GSTCD: variants seen among roughly 807,000 people sequenced by gnomAD.
GSTCD encodes the protein glutathione S-transferase C-terminal domain-containing protein.
A neutral mutation model predicts 68.3 loss-of-function variants in GSTCD; 44 were observed. The observed-to-expected ratio is 0.64, with a 90% confidence interval of 0.51 to 0.83. GSTCD has a LOEUF of 0.83. Among genes scored for constraint, GSTCD ranks in the 40% least tolerant of loss-of-function variants. The pLI is 0.00. For synonymous variants in GSTCD, 273 were observed against 255.2 expected, an observed-to-expected ratio of 1.07 and a Z score of -0.67; for missense variants, 739 against 735.9, an observed-to-expected ratio of 1.00 and a Z score of -0.05.
intron 5 of GSTCD, among the ~76,000 whole-genome samples, chr4:105,819,335 C>G (rs2112052): frequency 0.91 from 137,583 of 151,770 alleles, 62,925 homozygotes; most frequent in East Asian, 0.99. Context: ...CCAAGTCTCT[C>G]TAAAGGCCAT....
At chr4:105,808,073 T>G (rs1722594471) in intron 5 of GSTCD, among the ~76,000 whole-genome samples, 1 of 152,112 alleles carries the variant, frequency 6.6e-6, no homozygotes, top group Admixed American at 6.6e-5. Flanking sequence ...ACTAATGACT[T>G]CTGTTTACTA....
chr4:105,845,370 T>C, intron 11 of GSTCD, 71 bp from the exon 12 acceptor site: 2 of 1,570,530 alleles, frequency 1.3e-6, no homozygotes, highest in Non-Finnish European at 1.7e-6. Flanking sequence ...ACTATATAGA[T>C]TCCCTTAAAC....
chr4:105,815,121 A>G (rs1243628177), intron 5 of GSTCD: 2 of 152,208 alleles, frequency 1.3e-5, no homozygotes, highest in African/African-American at 2.4e-5. Flanking sequence ...CCATTGCCAC[A>G]TAAATAACCT....
At chr4:105,837,020 A>T (rs1724148561) in intron 9 of GSTCD, among the ~76,000 whole-genome samples, 1 of 152,202 alleles carries the variant, frequency 6.6e-6, no homozygotes, top group South Asian at 2.1e-4. Context: ...TTAATAAAAG[A>T]CAATGTTTAT....
At chr4:105,772,991 CT>C (rs959628436) in intron 5 of GSTCD, among the ~76,000 whole-genome samples, 3 of 152,008 alleles carry the variant, frequency 2.0e-5, no homozygotes, top group African/African-American at 7.2e-5. Flanking sequence ...TGGTCCTGGA[CT>C]TTTTTTGGTT....
At chr4:105,767,929 TGTG>T in intron 5 of GSTCD, among the ~76,000 whole-genome samples, 1 of 48,002 alleles carries the variant, frequency 2.1e-5, no homozygotes, top group South Asian at 1.1e-3. Flanking sequence ...GAGAAAATGA[TGTG>T]TTTTTTTTCA....
At chr4:105,781,616 T>A (rs555998635) in intron 5 of GSTCD, among the ~76,000 whole-genome samples, 1 of 152,144 alleles carries the variant, frequency 6.6e-6, no homozygotes, top group Non-Finnish European at 1.5e-5. Context: ...TCTTAAGAAG[T>A]ATTCTACGCA....
intron 5 of GSTCD, among the ~76,000 whole-genome samples, chr4:105,820,374 G>A (rs892776873): frequency 6.6e-6 from 1 of 151,746 alleles, no homozygotes; most frequent in Non-Finnish European, 1.5e-5. Context: ...TCTACACTTA[G>A]ATTTCTTTTT....
intron 5 of GSTCD, among the ~76,000 whole-genome samples, chr4:105,784,437 C>A (rs1735390670): frequency 6.6e-6 from 1 of 152,182 alleles, no homozygotes; most frequent in Admixed American, 6.5e-5. Flanking sequence ...ATAACATTAA[C>A]CCATTCATGA....
At position 105,740,306 on chromosome 4, in the gene GSTCD, G is replaced by A. The variant is rs756127103; in HGVS notation, c.1240+10807G>A. ...CCAGTAGGACTCACTACTGGAGTGAGGACTATAGTTTTGCTTGCCTTTTGC... is the reference window on the plus strand; with the variant it reads ...CCAGTAGGACTCACTACTGGAGTGAAGACTATAGTTTTGCTTGCCTTTTGC... On this transcript the variant is annotated intron_variant, in intron 5 of 11. Coordinates refer to ENST00000515279, the MANE Select transcript of GSTCD (RefSeq NM_001370181.1). 4.6e-4 allele frequency among the ~76,000 whole-genome samples: 70 copies of A among 151,866 alleles called. 1 individual carries two copies. The highest frequency in any genetic ancestry group is 3.2e-3 in the Middle Eastern group (1 of 316).
chr4:105,822,533 T>C (rs1723354844), intron 5 of GSTCD, among the ~76,000 whole-genome samples: 3 of 152,122 alleles, frequency 2.0e-5, no homozygotes, highest in Admixed American at 2.0e-4. Flanking sequence ...AATTAGGTAC[T>C]CTTTACAATA....
Position 105,726,729 on chromosome 4 carries a change from T to A in GSTCD, c.1045T>A (p.Ser349Thr). ...CCATTTACCAAAGTTGTTGACAACC[T>A]CAACTGAACAGCATCCAAACTTATG... The part of the protein sequence containing the change: ...FLHLPKLLTT[S>T]TEQHPNLCEV... The change falls in exon 4 of 12, where the codon TCA becomes ACA. Residue 349 changes from serine (S) to threonine (T), a missense_variant. Ser to Thr is a moderately conservative substitution (Grantham distance 58, BLOSUM62 1). Coordinates refer to ENST00000515279, the MANE Select transcript of GSTCD (RefSeq NM_001370181.1). 1 of 1,613,966 alleles carries A rather than the reference T, an allele frequency of 6.2e-7. No homozygotes were observed. The highest frequency in any genetic ancestry group is 8.5e-7 in the Non-Finnish European group (1 of 1,179,910).
intron 5 of GSTCD, among the ~76,000 whole-genome samples, chr4:105,771,160 AT>A (rs1244523280): frequency 6.6e-6 from 1 of 151,998 alleles, no homozygotes. Context: ...TGTTGGCCAC[AT>A]AAATGTCTTC....
intron 5 of GSTCD, among the ~76,000 whole-genome samples, chr4:105,816,395 G>A (rs1722988675): frequency 6.6e-6 from 1 of 152,054 alleles, no homozygotes; most frequent in Non-Finnish European, 1.5e-5. Context: ...CAGTCCCAAG[G>A]TGGGGAAATG....
intron 3 of GSTCD, among the ~76,000 whole-genome samples, chr4:105,722,427 A>G (rs1030550256): frequency 2.0e-5 from 3 of 152,058 alleles, no homozygotes; most frequent in African/African-American, 7.2e-5. Context: ...GTTCTAATTT[A>G]TAAGTAAAAA....
At position 105,743,784 on chromosome 4, in the gene GSTCD, G is replaced by C. The variant is rs571418980; in HGVS notation, c.1240+14285G>C. Among the ~76,000 whole-genome samples the C allele has an allele frequency of 1.3e-4, 20 of 149,508 alleles. No individual in the cohort carries two copies. The South Asian group carries it at 4.2e-3, about 32-fold the overall frequency. On this transcript the variant is annotated intron_variant, in intron 5 of 11. Transcript: ENST00000515279. ...CGCTGTTCTCCTGCCTCAGCCTCTCGAGTAGCTGGGACTACAGGCGCCCGC... is the reference window on the plus strand; with the variant it reads ...CGCTGTTCTCCTGCCTCAGCCTCTCCAGTAGCTGGGACTACAGGCGCCCGC...
chr4:105,714,156 C>T (rs1267431692), intron 1 of GSTCD, among the ~76,000 whole-genome samples: 2 of 152,138 alleles, frequency 1.3e-5, no homozygotes, highest in Non-Finnish European at 1.5e-5. Flanking sequence ...TTTATTCATT[C>T]GGCAAGATTC....
chr4:105,806,521 A>C (rs1722504002), intron 5 of GSTCD, among the ~76,000 whole-genome samples: 1 of 152,124 alleles, frequency 6.6e-6, no homozygotes, highest in Non-Finnish European at 1.5e-5. Flanking sequence ...TCAATTAAAA[A>C]GAATATCCAA....
chr4:105,845,400 A>G, intron 11 of GSTCD, 41 bp from the exon 12 acceptor site: 1 of 1,611,866 alleles, frequency 6.2e-7, no homozygotes, highest in Non-Finnish European at 8.5e-7. Context: ...CTGTCCTGCT[A>G]GTGAAAGGGT....
Sources: gnomAD v4.1 joint callset for allele counts (sites outside exome capture counted in the v4.1 genomes callset) on GRCh38, gnomAD v4.1.1 for gene constraint, MANE v1.5 for transcripts, NCBI Gene and HGNC (gene_info 2026-07-23, HGNC 2026-07-21) for gene names.